Variants in HSD17B3 observed in about 807,000 individuals in gnomAD.
HSD17B3 encodes 17-beta-hydroxysteroid dehydrogenase type 3.
HSD17B3 carries 29 observed loss-of-function variants against 41.1 expected under a neutral mutation model. The ratio of observed to expected loss-of-function variants is 0.71; its 90% CI spans 0.53 to 0.96. The LOEUF is 0.96. HSD17B3 is among the 40% of genes least tolerant of loss of function. The pLI, the probability that HSD17B3 is intolerant of heterozygous loss-of-function variation, is 0.00. For synonymous variants in HSD17B3, 126 were observed against 145.6 expected, an observed-to-expected ratio of 0.87 and a Z score of 0.97; for missense variants, 323 against 374.6, an observed-to-expected ratio of 0.86 and a Z score of 1.14.
intron 8 of HSD17B3, 47 bp from the exon 9 acceptor site, chr9:96,244,441 C>A: frequency 6.3e-7 from 1 of 1,586,190 alleles, no homozygotes; most frequent in Non-Finnish European, 8.7e-7. Flanking sequence ...TGAGCTCCCT[C>A]GTCAGAGCCA....
chr9:96,295,632 G>A (rs971873573), intron 2 of HSD17B3, among the ~76,000 whole-genome samples: 4 of 152,070 alleles, frequency 2.6e-5, no homozygotes, highest in African/African-American at 9.7e-5. Flanking sequence ...ACTGCGCCCA[G>A]CCCACGAGGA....
intron 4 of HSD17B3, among the ~76,000 whole-genome samples, chr9:96,252,153 G>C (rs1340047853): frequency 2.6e-5 from 4 of 152,132 alleles, no homozygotes; most frequent in African/African-American, 9.7e-5. Context: ...ATGTTTGTTT[G>C]CTAAACTAAT....
At chr9:96,235,655 T>G in intron 10 of HSD17B3, 85 bp from the exon 11 acceptor site, 1 of 1,085,732 alleles carries the variant, frequency 9.2e-7, no homozygotes, top group Non-Finnish European at 1.4e-6. Flanking sequence ...AAATATTTTT[T>G]TCTGACTACT....
Position 96,302,051 on chromosome 9 carries a change from C to T in HSD17B3, c.54G>A (p.Leu18=), listed in dbSNP as rs1827634048. The T allele has an allele frequency of 1.9e-6, 3 of 1,613,988 alleles. No homozygotes were observed. Among genetic ancestry groups the T allele is most frequent in the Non-Finnish European group, 2.5e-6 (3 of 1,180,032 alleles). The part of the protein sequence containing the change: ...FFILTGLLVC[L]ACLAKCVRFS... ...ATCTCACGCACTTCGCCAGGCAGGC[C>T]AGGCACACCAGCAGCCCTGTGAGGA... The change falls in exon 1 of 11, where the codon CTG becomes CTA. Residue 18 remains leucine (L), a synonymous_variant. Transcript: ENST00000375263.
intron 10 of HSD17B3, among the ~76,000 whole-genome samples, chr9:96,237,057 C>A (rs1836263690): frequency 6.6e-6 from 1 of 152,204 alleles, no homozygotes; most frequent in Non-Finnish European, 1.5e-5. Context: ...CTCCCACTAG[C>A]CACGTCGCTG....
chr9:96,242,547 GCATTCAGCGAGTATTTATT>G, intron 9 of HSD17B3, among the ~76,000 whole-genome samples: 1 of 152,300 alleles, frequency 6.6e-6, no homozygotes, highest in African/African-American at 2.4e-5. Flanking sequence ...ACTTCTTCAT[GCATTCAGCGAGTATTTATT>G]CATTCAGCGA....
chr9:96,282,534 C>G (rs140644051), intron 2 of HSD17B3, among the ~76,000 whole-genome samples: 21 of 152,282 alleles, frequency 1.4e-4, no homozygotes, highest in Non-Finnish European at 2.5e-4. Context: ...CGCATTAGTT[C>G]TAGATAAGGC....
At chr9:96,243,587 C>A (rs1476585735) in intron 9 of HSD17B3, among the ~76,000 whole-genome samples, 1 of 152,214 alleles carries the variant, frequency 6.6e-6, no homozygotes, top group Non-Finnish European at 1.5e-5. Flanking sequence ...TATCGTAAAA[C>A]TTCTTCCCAC....
intron 6 of HSD17B3, among the ~76,000 whole-genome samples, chr9:96,247,626 G>A (rs1836721888): frequency 1.3e-5 from 2 of 152,234 alleles, no homozygotes; most frequent in Admixed American, 1.3e-4. Context: ...TGAGGGGCGA[G>A]ATAGTGTCAG....
At chr9:96,252,676 T>C in intron 4 of HSD17B3, 127 bp downstream of exon 4, 1 of 723,608 alleles carries the variant, frequency 1.4e-6, no homozygotes, top group Non-Finnish European at 2.5e-6. Flanking sequence ...TTCAACTTAA[T>C]GGGACAGCTT....
chr9:96,241,919 C>T (rs1836452895), intron 9 of HSD17B3, among the ~76,000 whole-genome samples: 1 of 106,798 alleles, frequency 9.4e-6, no homozygotes, highest in Non-Finnish European at 1.9e-5. Context: ...TAGGCTACAT[C>T]AGAGTGAAAC....
chr9:96,270,943 C>G (rs1395592562), intron 2 of HSD17B3, among the ~76,000 whole-genome samples: 1 of 88,246 alleles, frequency 1.1e-5, no homozygotes, highest in Admixed American at 1.4e-4. Flanking sequence ...GAAGATCTCT[C>G]AAATCCTCTC....
At chr9:96,242,548 C>G (rs952688977) in intron 9 of HSD17B3, among the ~76,000 whole-genome samples, 1 of 152,186 alleles carries the variant, frequency 6.6e-6, no homozygotes, top group African/African-American at 2.4e-5. Context: ...CTTCTTCATG[C>G]ATTCAGCGAG....
intron 2 of HSD17B3, among the ~76,000 whole-genome samples, chr9:96,294,718 A>G (rs758945710): frequency 2.0e-5 from 3 of 152,224 alleles, no homozygotes; most frequent in African/African-American, 7.2e-5. Flanking sequence ...AAGGTTATAT[A>G]GTTTTAATGC....
chr9:96,265,424 C>T (rs954534569), intron 2 of HSD17B3, among the ~76,000 whole-genome samples: 3 of 152,210 alleles, frequency 2.0e-5, no homozygotes, highest in African/African-American at 7.2e-5. Context: ...GCTCTTACAA[C>T]ACTGAATGTG....
At chr9:96,295,522 A>G (rs976307929) in intron 2 of HSD17B3, among the ~76,000 whole-genome samples, 2 of 151,576 alleles carry the variant, frequency 1.3e-5, no homozygotes, top group African/African-American at 4.9e-5. Context: ...GTAAGTAGAG[A>G]CGGAGTTTCA....
At chr9:96,252,751 G>C (rs1281307654) in intron 4 of HSD17B3, 52 bp downstream of exon 4, 2 of 911,540 alleles carry the variant, frequency 2.2e-6, no homozygotes, top group African/African-American at 1.6e-5. Flanking sequence ...ATCAGTGTCA[G>C]GTTATTTCAC....
At chr9:96,269,539 T>C (rs1826160078) in intron 2 of HSD17B3, among the ~76,000 whole-genome samples, 1 of 152,138 alleles carries the variant, frequency 6.6e-6, no homozygotes, top group African/African-American at 2.4e-5. Context: ...ATGAACCATG[T>C]TCCATGGTTC....
chr9:96,270,261 C>T (rs1826192167), intron 2 of HSD17B3, among the ~76,000 whole-genome samples: 1 of 151,286 alleles, frequency 6.6e-6, no homozygotes, highest in South Asian at 2.1e-4. Context: ...CACACACACA[C>T]ACACACACAG....
Sources: gnomAD v4.1 joint callset for allele counts (sites outside exome capture counted in the v4.1 genomes callset) on GRCh38, gnomAD v4.1.1 for gene constraint, MANE v1.5 for transcripts, NCBI Gene and HGNC (gene_info 2026-07-23, HGNC 2026-07-21) for gene names.